FGFR3: variants seen among roughly 807,000 people sequenced by gnomAD.
FGFR3 encodes the protein FGFR-3.
FGFR3 carries 25 observed loss-of-function variants against 82.9 expected under a neutral mutation model. The observed-to-expected ratio is 0.30, with a 90% CI of 0.22 to 0.42. The LOEUF (loss-of-function observed/expected upper bound fraction) is 0.42, where lower values mean the gene tolerates loss of function less well. Among genes scored for constraint, FGFR3 ranks in the 10% least tolerant of loss-of-function variants. The pLI is 1.00. For synonymous variants in FGFR3, 620 were observed against 516.0 expected (o/e 1.20, Z -2.73); for missense variants, 1,026 against 1,161.0 (o/e 0.88, Z 1.69).
chr4:1,796,343 C>T lies in FGFR3; in HGVS notation c.109+2300C>T, dbSNP rs77591804. 4.0e-4 allele frequency among the ~76,000 whole-genome samples: 61 copies of T among 152,242 alleles called. No individual in the cohort carries two copies. The East Asian group carries it at 4.2e-3, about 11-fold the overall frequency. The stretch of plus-strand genomic sequence containing the variant: ...GCCCAGCCTCCAGATCCCTTTTTTC[C>T]GGACTTTATTGTGAAACTCCAGGTG... On this transcript the variant is annotated intron_variant, in intron 2 of 17. Transcript: ENST00000440486.
At chr4:1,801,219 G>T (rs1560413996) in intron 4 of FGFR3, 148 bp from the exon 5 acceptor site, 2 of 850,988 alleles carry the variant, frequency 2.4e-6, no homozygotes, top group Middle Eastern at 3.1e-4. Flanking sequence ...AGATGTGGAG[G>T]CTCCTGGGAA....
At chr4:1,806,715 C>G (rs1378354458) in intron 16 of FGFR3, 32 bp downstream of exon 16, 2 of 1,610,010 alleles carry the variant, frequency 1.2e-6, no homozygotes, top group African/African-American at 1.3e-5. Flanking sequence ...CCACTGGGTC[C>G]TCAGGGGTGG....
In FGFR3 at chr4:1,799,748, C is replaced by T. The variant is rs762778478; in HGVS notation, c.381C>T (p.Asp127=). 24 of 1,612,794 alleles carry T rather than the reference C, an allele frequency of 1.5e-5. No individual in the cohort carries two copies. The highest frequency in any genetic ancestry group is 8.8e-5 in the South Asian group (8 of 91,050). The change falls in exon 4 of 18, where the codon GAC becomes GAT. Residue 127 remains aspartate (D), a splice_region_variant and synonymous_variant. Transcript: ENST00000440486. ...VLCHFSVRVT[D]APSSGDDEDG... is the part of the protein sequence containing the mutation. ...GTTGCGGCCATCTCTGCCTTGCAGA[C>T]GCTCCATCCTCGGGAGATGACGAAG...
chr4:1,802,694 G>A (rs1055295168), intron 7 of FGFR3, among the ~76,000 whole-genome samples: 3 of 152,142 alleles, frequency 2.0e-5, no homozygotes, highest in African/African-American at 7.2e-5. Flanking sequence ...AGTGACCAGA[G>A]GTTGTCTGAG....
At chr4:1,797,178 C>T (rs1720614963) in intron 2 of FGFR3, among the ~76,000 whole-genome samples, 1 of 152,156 alleles carries the variant, frequency 6.6e-6, no homozygotes, top group African/African-American at 2.4e-5. Context: ...AAGAACCCTT[C>T]CTAGGGCTGC....
At position 1,807,203 on chromosome 4, in the gene FGFR3, G is replaced by A. The variant is rs371433215; in HGVS notation, c.2362G>A (p.Val788Met). 5.8e-5 allele frequency: 93 copies of A among 1,608,344 alleles called. No homozygotes were observed. Among genetic ancestry groups the A allele is most frequent in the African/African-American group, 5.3e-5 (4 of 74,842 alleles). Residue 788 changes from valine (V) to methionine (M), a missense_variant, in exon 18 of 18, where the codon GTG becomes ATG. Physicochemically the swap from Val to Met is conservative, Grantham distance 21. Transcript: ENST00000440486. Reference sequence around the variant, plus strand: ...CTCCAGCTCCTCAGGGGACGACTCCGTGTTTGCCCACGACCTGCTGCCCCC... The same window carrying A: ...CTCCAGCTCCTCAGGGGACGACTCCATGTTTGCCCACGACCTGCTGCCCCC... ...PSSSSSGDDS[V>M]FAHDLLPPAP...
In FGFR3 at chr4:1,808,318, G is replaced by A. The variant is rs1388772286; in HGVS notation, c.*1056G>A. 1 of 232,852 alleles carries A rather than the reference G, an allele frequency of 4.3e-6. No individual in the cohort carries two copies. Among genetic ancestry groups the A allele is most frequent in the South Asian group, 1.8e-4 (1 of 5,520 alleles). 14.4% of individuals were successfully genotyped at this position (232,852 alleles called of 1,614,324 possible). ...CCTAAAAGGTTGTTAATAGTTGGAG[G>A]TGATTCCAGTGAAGATATTTTATTT... On this transcript the variant is annotated 3_prime_UTR_variant, in exon 18 of 18. Transcript: ENST00000440486.
chr4:1,807,011 G>A (rs1229615163), intron 17 of FGFR3, 77 bp downstream of exon 17: 1 of 1,551,514 alleles, frequency 6.4e-7, no homozygotes. Context: ...GCCCCCCAGA[G>A]TGCTGAGGTG....
In FGFR3 at chr4:1,803,846, TCTGCTG is replaced by T. The variant is rs759782828; in HGVS notation, c.1075+22_1075+27del. On this transcript the variant is annotated intron_variant, in intron 8 of 17. Coordinates refer to ENST00000440486, the MANE Select transcript of FGFR3 (RefSeq NM_000142.5). The stretch of plus-strand genomic sequence containing the variant: ...CTGGTGGTGCTGCCAGGTACCGGCT[TCTGCTG>T]CTGCTGCTGCTCCGCACTGTCTGGG... 1.9e-6 allele frequency: 3 copies of T among 1,610,856 alleles called. No individual in the cohort carries two copies. The highest frequency in any genetic ancestry group is 1.3e-5 in the African/African-American group (1 of 74,998).
intron 7 of FGFR3, chr4:1,802,957 T>C: frequency 6.2e-7 from 1 of 1,603,096 alleles, no homozygotes; most frequent in Non-Finnish European, 8.5e-7. Flanking sequence ...CGCCTCCGCC[T>C]GGCCAATGTG....
rs17886954 is a variant in FGFR3 at position 1,799,843 on chromosome 4, C to G, written c.445+31C>G. 6.7e-4 allele frequency: 1,078 copies of G among 1,609,158 alleles called. 11 individuals are homozygous for G. In the Admixed American group the frequency reaches 0.017, roughly 26 times the overall value. ...AGCAGGGTCCAGGGTTCAGGCCAGCCGGGGTGGGGCCCGCTGCCACCGCCA... is the reference window on the plus strand; with the variant it reads ...AGCAGGGTCCAGGGTTCAGGCCAGCGGGGGTGGGGCCCGCTGCCACCGCCA... On this transcript the variant is annotated intron_variant, in intron 4 of 17. Transcript: ENST00000440486.
At position 1,801,244 on chromosome 4, in the gene FGFR3, C is replaced by G. The variant is rs576153196; in HGVS notation, c.446-123C>G. On this transcript the variant is annotated intron_variant, in intron 4 of 17. Coordinates refer to ENST00000440486, the MANE Select transcript of FGFR3 (RefSeq NM_000142.5). ...GCTCCTGGGAACCTCATCCCGCCCT[C>G]TTCCTACACAGGACGGGAAACTGAG... The G allele has an allele frequency of 7.5e-5, 85 of 1,140,456 alleles. No homozygotes were observed. The African/African-American group carries it at 1.1e-3, about 14-fold the overall frequency. 70.6% of individuals were successfully genotyped at this position (1,140,456 alleles called of 1,614,324 possible). A position where few individuals can be genotyped will look rare whatever the true frequency, so the allele number is the denominator to read the frequency against.
In FGFR3 at chr4:1,805,892, C is replaced by G; in HGVS notation, c.1788C>G (p.Ser596=). The G allele has an allele frequency of 6.2e-7, 1 of 1,612,426 alleles. No homozygotes were observed. Among genetic ancestry groups the G allele is most frequent in the Admixed American group, 1.7e-5 (1 of 59,998 alleles). The part of the protein sequence containing the change: ...EEQLTFKDLV[S]CAYQVARGME... ...AGCTCACCTTCAAGGACCTGGTGTCCTGTGCCTACCAGGTGGCCCGGGGCA... is the reference window on the plus strand; with the variant it reads ...AGCTCACCTTCAAGGACCTGGTGTCGTGTGCCTACCAGGTGGCCCGGGGCA... The change falls in exon 13 of 18, where the codon TCC becomes TCG. Residue 596 remains serine (S), a synonymous_variant. Transcript: ENST00000440486.
chr4:1,797,656 G>T (rs2108766067), intron 2 of FGFR3, among the ~76,000 whole-genome samples: 1 of 152,364 alleles, frequency 6.6e-6, no homozygotes, highest in African/African-American at 2.4e-5. Flanking sequence ...TCCCAGCTCT[G>T]GGTGGTCCCC....
chr4:1,794,587 T>G (rs1720246372), intron 2 of FGFR3, among the ~76,000 whole-genome samples: 1 of 151,998 alleles, frequency 6.6e-6, no homozygotes, highest in South Asian at 2.1e-4. Flanking sequence ...CGAGGGCGCT[T>G]CCCCGTGGGT....
At position 1,807,142 on chromosome 4, in the gene FGFR3, C is replaced by A. The variant is rs540549001; in HGVS notation, c.2301C>A (p.Phe767Leu). The A allele has an allele frequency of 6.3e-7, 1 of 1,595,232 alleles. No homozygotes were observed. Among genetic ancestry groups the A allele is most frequent in the Non-Finnish European group, 8.5e-7 (1 of 1,171,592 alleles). ...TDEYLDLSAPFEQYSPGGQDT... is the reference protein window; with the variant it reads ...TDEYLDLSAPLEQYSPGGQDT... ...AGTACCTGGACCTGTCGGCGCCTTTCGAGCAGTACTCCCCGGGTGGCCAGG... is the reference window on the plus strand; with the variant it reads ...AGTACCTGGACCTGTCGGCGCCTTTAGAGCAGTACTCCCCGGGTGGCCAGG... The change falls in exon 18 of 18, where the codon TTC becomes TTA. Residue 767 changes from phenylalanine to leucine, a missense_variant. This residue lies in a region of FGFR3 where 155 missense variants were observed against 150.2 expected (regional missense o/e 1.03). Transcript: ENST00000440486.
Position 1,793,870 on chromosome 4 carries a change from C to T in FGFR3, c.-65C>T. 3.6e-6 allele frequency: 2 copies of T among 549,674 alleles called. No individual in the cohort carries two copies. The highest frequency in any genetic ancestry group is 4.8e-6 in the Non-Finnish European group (2 of 418,290). 34.0% of individuals were successfully genotyped at this position (549,674 alleles called of 1,614,324 possible). A position where few individuals can be genotyped will look rare whatever the true frequency, so the allele number is the denominator to read the frequency against. On this transcript the variant is annotated 5_prime_UTR_variant, in exon 2 of 18. Coordinates refer to ENST00000440486, the MANE Select transcript of FGFR3 (RefSeq NM_000142.5). Reference sequence around the variant, plus strand: ...CGCCCGCCTCCCGCCGGTGCCCGCGCCGGGCCGTGGGGGGCAGCATGCCCG... The same window carrying T: ...CGCCCGCCTCCCGCCGGTGCCCGCGTCGGGCCGTGGGGGGCAGCATGCCCG...
intron 2 of FGFR3, among the ~76,000 whole-genome samples, chr4:1,794,941 C>T (rs1720301215): frequency 2.0e-5 from 3 of 151,746 alleles, no homozygotes; most frequent in South Asian, 4.1e-4. Context: ...TGTACCTCGA[C>T]GCGGCCACAG....
At chr4:1,797,475 C>T (rs958436422) in intron 2 of FGFR3, among the ~76,000 whole-genome samples, 3 of 152,200 alleles carry the variant, frequency 2.0e-5, no homozygotes, top group Admixed American at 6.5e-5. Context: ...GCTGTGTCCC[C>T]CGTCCCCCCG....
Sources: allele counts gnomAD v4.1 joint callset (sites outside exome capture counted in the v4.1 genomes callset), GRCh38; gene constraint gnomAD v4.1.1; regional missense constraint gnomAD v4.1.1; transcripts MANE v1.5; gene names NCBI Gene and HGNC (gene_info 2026-07-23, HGNC 2026-07-21).